ERG: variants seen among roughly 807,000 people sequenced by gnomAD.
The protein encoded by ERG is ETS transcription factor ERG.
A neutral mutation model predicts 55.3 loss-of-function variants in ERG; 9 were observed. That is an observed-to-expected ratio of 0.16 (90% CI 0.10 to 0.28). ERG has a LOEUF of 0.28. Ranked by LOEUF, ERG falls within the 10% of genes least tolerant of loss-of-function variation. ERG has a pLI of 1.00. For synonymous variants in ERG, 223 were observed against 237.3 expected (o/e 0.94, Z 0.55); for missense variants, 434 against 631.6 (o/e 0.69, Z 3.35).
chr21:38,529,354 G>A (rs1348404377), intron 2 of ERG, among the ~76,000 whole-genome samples: 1 of 152,166 alleles, frequency 6.6e-6, no homozygotes, highest in Non-Finnish European at 1.5e-5. Flanking sequence ...TGCTGGTGGT[G>A]GAGGAAGTGA....
chr21:38,601,080 C>T (rs1778101328), intron 1 of ERG, among the ~76,000 whole-genome samples: 1 of 152,176 alleles, frequency 6.6e-6, no homozygotes, highest in Admixed American at 6.5e-5. Context: ...CAGAGTTCAC[C>T]AGCTTTTATT....
At chr21:38,604,230 G>A (rs549852666) in intron 1 of ERG, among the ~76,000 whole-genome samples, 260 of 150,172 alleles carry the variant, frequency 1.7e-3, no homozygotes, top group African/African-American at 5.1e-3. Context: ...CTCCAGCCTG[G>A]GCGACAGAGC....
At chr21:38,385,313 T>C (rs1987641407) in intron 9 of ERG, among the ~76,000 whole-genome samples, 1 of 152,208 alleles carries the variant, frequency 6.6e-6, no homozygotes, top group South Asian at 2.1e-4. Context: ...AAATTCCAGT[T>C]ACAGCACTGC....
intron 1 of ERG, chr21:38,451,019 A>ACTAC: frequency 4.6e-6 from 2 of 432,652 alleles, no homozygotes; most frequent in South Asian, 3.4e-5. Context: ...TAGACTGGCC[A>ACTAC]CTACCTGGCT....
chr21:38,445,845 A>G (rs2058887144), intron 1 of ERG, among the ~76,000 whole-genome samples: 1 of 152,046 alleles, frequency 6.6e-6, no homozygotes, highest in Admixed American at 6.6e-5. Context: ...GTCTCGAAGC[A>G]TCCCAGGCTT....
intron 2 of ERG, among the ~76,000 whole-genome samples, chr21:38,507,833 G>A (rs758398894): frequency 6.6e-6 from 1 of 152,062 alleles, no homozygotes; most frequent in Non-Finnish European, 1.5e-5. Flanking sequence ...TGAACAGAAC[G>A]TGCCCAGCAT....
chr21:38,595,539 G>A (rs1397815889), intron 1 of ERG, among the ~76,000 whole-genome samples: 2 of 152,128 alleles, frequency 1.3e-5, no homozygotes, highest in Non-Finnish European at 2.9e-5. Context: ...ATGGAAGCCC[G>A]GGAGCTCTGC....
Position 38,380,503 on chromosome 21 carries a change from G to C in ERG, c.*2900C>G, listed in dbSNP as rs769437154. 6.9e-4 allele frequency: 734 copies of C among 1,065,458 alleles called. No individual in the cohort carries two copies. The highest frequency in any genetic ancestry group is 8.1e-4 in the Non-Finnish European group (715 of 879,438). The allele number at this position is 1,065,458 out of a possible 1,614,324, so 66.0% of individuals were successfully genotyped here. A position where few individuals can be genotyped will look rare whatever the true frequency, so the allele number is the denominator to read the frequency against. ...AGAAAAGAAGACAAATCTCTTGCCA[G>C]CAGGAGTAAGATTGTACAGGAGTCT... On this transcript the variant is annotated 3_prime_UTR_variant, in exon 10 of 10. Coordinates refer to ENST00000288319, the MANE Select transcript of ERG (RefSeq NM_182918.4).
At chr21:38,653,368 T>C (rs1276106999) in intron 1 of ERG, among the ~76,000 whole-genome samples, 1 of 152,184 alleles carries the variant, frequency 6.6e-6, no homozygotes, top group Non-Finnish European at 1.5e-5. Context: ...GCACCCCCTC[T>C]GTGGATGGAG....
chr21:38,629,650 T>G (rs576398282), intron 1 of ERG, among the ~76,000 whole-genome samples: 1 of 152,180 alleles, frequency 6.6e-6, no homozygotes, highest in African/African-American at 2.4e-5. Context: ...TGTTCCATGC[T>G]GGTGGGAGCA....
At chr21:38,476,336 C>T (rs970244878) in intron 1 of ERG, among the ~76,000 whole-genome samples, 1 of 152,192 alleles carries the variant, frequency 6.6e-6, no homozygotes, top group Non-Finnish European at 1.5e-5. Context: ...CACCAAGTGC[C>T]TCGCTTCAGG....
chr21:38,475,963 T>A (rs1405531593), intron 1 of ERG, among the ~76,000 whole-genome samples: 3 of 152,230 alleles, frequency 2.0e-5, no homozygotes, highest in African/African-American at 7.2e-5. Context: ...TGGAAGAATT[T>A]TTTGAGACAA....
At chr21:38,406,332 T>A (rs1466776893) in intron 3 of ERG, among the ~76,000 whole-genome samples, 2 of 152,154 alleles carry the variant, frequency 1.3e-5, no homozygotes, top group African/African-American at 4.8e-5. Context: ...GAAAACTGAA[T>A]GTAGATATGG....
chr21:38,578,667 A>G (rs1028853611), intron 1 of ERG, among the ~76,000 whole-genome samples: 26 of 152,066 alleles, frequency 1.7e-4, no homozygotes, highest in African/African-American at 6.3e-4. Flanking sequence ...TCACCCCACC[A>G]AGACTACGTT....
intron 1 of ERG, among the ~76,000 whole-genome samples, chr21:38,446,055 C>T (rs148547424): frequency 6.6e-6 from 1 of 151,776 alleles, no homozygotes; most frequent in African/African-American, 2.4e-5. Context: ...GGCAAAATTG[C>T]CACATTCCTG....
At chr21:38,481,132 T>C (rs745635100) in intron 1 of ERG, among the ~76,000 whole-genome samples, 1 of 152,188 alleles carries the variant, frequency 6.6e-6, no homozygotes, top group Non-Finnish European at 1.5e-5. Context: ...ACCAATCAAG[T>C]TTTTTCCAAC....
intron 2 of ERG, among the ~76,000 whole-genome samples, chr21:38,519,992 C>CACACACACACATACAG (rs1166858387): frequency 6.6e-6 from 1 of 151,448 alleles, no homozygotes; most frequent in Non-Finnish European, 1.5e-5. Context: ...CATGTCACCA[C>CACACACACACATACAG]ACACACACAC....
At chr21:38,578,190 C>T (rs2060006594) in intron 1 of ERG, among the ~76,000 whole-genome samples, 1 of 152,224 alleles carries the variant, frequency 6.6e-6, no homozygotes. Context: ...CCAGCTGAGT[C>T]CAGTCAGCCC....
chr21:38,462,679 A>C (rs1257142292), intron 1 of ERG, among the ~76,000 whole-genome samples: 1 of 152,216 alleles, frequency 6.6e-6, no homozygotes, highest in Non-Finnish European at 1.5e-5. Flanking sequence ...TAAATTTGGA[A>C]TTTATGCAAC....
Sources: gnomAD v4.1 joint callset for allele counts (sites outside exome capture counted in the v4.1 genomes callset) on GRCh38, gnomAD v4.1.1 for gene constraint, MANE v1.5 for transcripts, NCBI Gene and HGNC (gene_info 2026-07-23, HGNC 2026-07-21) for gene names.